CAST: variants seen among roughly 807,000 people sequenced by gnomAD.
CAST encodes the protein calpastatin.
A neutral mutation model predicts 119.6 loss-of-function variants in CAST; 76 were observed. The ratio of observed to expected loss-of-function variants is 0.64; its 90% CI spans 0.53 to 0.77. The LOEUF (loss-of-function observed/expected upper bound fraction) is 0.77. Ranked by LOEUF, CAST falls within the 30% of genes least tolerant of loss-of-function variation. The probability of loss-of-function intolerance (pLI) is 0.00; values close to 1 mark genes in which losing one functional copy is unlikely to be tolerated. For missense variants in CAST, 953 were observed against 946.5 expected (o/e 1.01, Z -0.09); for synonymous variants, 319 against 331.6 (o/e 0.96, Z 0.41).
At chr5:96,304,736 G>A in the CAST span, among the ~76,000 whole-genome samples, 1 of 152,148 alleles carries the variant, frequency 6.6e-6, no homozygotes, top group South Asian at 2.1e-4. Context: ...TTTTTGTCAG[G>A]TTTGTCAAAG....
At chr5:96,400,349 A>G in the CAST span, among the ~76,000 whole-genome samples, 4 of 152,256 alleles carry the variant, frequency 2.6e-5, no homozygotes, top group Admixed American at 2.6e-4. Flanking sequence ...CTTTTCATTC[A>G]GAATTCAGAA....
the CAST span, among the ~76,000 whole-genome samples, chr5:96,299,028 T>G: frequency 0.028 from 4,218 of 151,782 alleles, 88 homozygotes; most frequent in Non-Finnish European, 0.042. Context: ...TCACCTGAGG[T>G]CAAGAGTTCA....
chr5:96,180,674 T>A, the CAST span, among the ~76,000 whole-genome samples: 1 of 152,030 alleles, frequency 6.6e-6, no homozygotes, highest in African/African-American at 2.4e-5. Flanking sequence ...AAAATTAGGG[T>A]GGTAAATACT....
At chr5:96,104,212 T>C in the CAST span, among the ~76,000 whole-genome samples, 1 of 152,256 alleles carries the variant, frequency 6.6e-6, no homozygotes, top group South Asian at 2.1e-4. Context: ...GTAGTTTCTT[T>C]TGCGGTGCAG....
chr5:96,428,430 A>G, the CAST span, among the ~76,000 whole-genome samples: 2 of 152,214 alleles, frequency 1.3e-5, no homozygotes, highest in Non-Finnish European at 2.9e-5. Flanking sequence ...GCAACACTGT[A>G]TGAAAATTAC....
At chr5:96,769,926 A>G (rs1771647913) in intron 29 of CAST, 1 of 150,970 alleles carries the variant, frequency 6.6e-6, no homozygotes, top group African/African-American at 2.4e-5. Context: ...AGGCTGAATA[A>G]TATTCCATTA....
the CAST span, among the ~76,000 whole-genome samples, chr5:96,083,471 C>G: frequency 7.2e-5 from 11 of 152,178 alleles, no homozygotes; most frequent in Non-Finnish European, 1.5e-4. Context: ...GCAACGTCCT[C>G]CCTCCCTTTC....
intron 1 of CAST, among the ~76,000 whole-genome samples, chr5:96,538,932 G>A (rs961635647): frequency 2.2e-4 from 34 of 152,046 alleles, no homozygotes; most frequent in African/African-American, 7.7e-4. Context: ...CACCCAAAGA[G>A]GAAGCACTTC....
the CAST span, among the ~76,000 whole-genome samples, chr5:96,092,935 A>G: frequency 1.3e-5 from 2 of 152,216 alleles, no homozygotes; most frequent in African/African-American, 2.4e-5. Flanking sequence ...CCTAGAATCC[A>G]GATCTCCTTA....
chr5:96,500,057 G>A, the CAST span, among the ~76,000 whole-genome samples: 5 of 152,158 alleles, frequency 3.3e-5, no homozygotes, highest in African/African-American at 4.8e-5. Context: ...AGATAAGTTC[G>A]CCGCCTCATA....
the CAST span, among the ~76,000 whole-genome samples, chr5:96,416,498 A>G: frequency 6.6e-6 from 1 of 152,340 alleles, no homozygotes; most frequent in East Asian, 1.9e-4. Flanking sequence ...ATTCAGAAAC[A>G]ATTTCAGAGA....
the CAST span, among the ~76,000 whole-genome samples, chr5:96,333,322 C>T: frequency 2.0e-5 from 3 of 151,770 alleles, no homozygotes; most frequent in African/African-American, 4.8e-5. Flanking sequence ...ATGAGGAGCT[C>T]TATGTTTGGA....
At chr5:96,022,264 T>C in the CAST span, among the ~76,000 whole-genome samples, 3 of 152,138 alleles carry the variant, frequency 2.0e-5, no homozygotes, top group South Asian at 4.1e-4. Flanking sequence ...ACAAAATACA[T>C]AGATGCCCAA....
chr5:96,146,085 A>T, the CAST span, among the ~76,000 whole-genome samples: 1 of 152,188 alleles, frequency 6.6e-6, no homozygotes, highest in Non-Finnish European at 1.5e-5. Flanking sequence ...CCCAACTTAT[A>T]TTTAAGGGGG....
the CAST span, among the ~76,000 whole-genome samples, chr5:96,152,462 C>T: frequency 2.6e-5 from 4 of 152,110 alleles, no homozygotes; most frequent in Non-Finnish European, 5.9e-5. Context: ...GGGCAATGCA[C>T]CAAAGTTTGT....
At chr5:96,759,264 T>C (rs1359637426) in intron 24 of CAST, among the ~76,000 whole-genome samples, 1 of 152,174 alleles carries the variant, frequency 6.6e-6, no homozygotes, top group Non-Finnish European at 1.5e-5. Context: ...TCATAATTAG[T>C]GTTCATCTGT....
chr5:96,272,683 T>TA, the CAST span, among the ~76,000 whole-genome samples: 8 of 152,150 alleles, frequency 5.3e-5, no homozygotes, highest in African/African-American at 1.9e-4. Flanking sequence ...TAGTGTTTGA[T>TA]AGATCAGTAG....
the CAST span, among the ~76,000 whole-genome samples, chr5:96,105,537 T>G: frequency 1.3e-4 from 20 of 152,322 alleles, no homozygotes; most frequent in African/African-American, 3.4e-4. Context: ...TGGATTACAT[T>G]TATTGATTTG....
chr5:96,467,049 C>T, the CAST span, among the ~76,000 whole-genome samples: 2 of 152,202 alleles, frequency 1.3e-5, no homozygotes, highest in African/African-American at 4.8e-5. Flanking sequence ...GAAATGTATT[C>T]TCAATGTTTT....
Sources: gnomAD v4.1 joint callset for allele counts (sites outside exome capture counted in the v4.1 genomes callset) on GRCh38, gnomAD v4.1.1 for gene constraint, MANE v1.5 for transcripts, NCBI Gene and HGNC (gene_info 2026-07-23, HGNC 2026-07-21) for gene names.